The following HIVEP3 variants were observed in gnomAD, a reference collection of about 807,000 sequenced individuals.
HIVEP3 encodes HIVEP zinc finger 3, also known as transcription factor HIVEP3.
Under a neutral mutation model 152.8 loss-of-function variants are expected in HIVEP3, and 49 were observed. That is an observed-to-expected ratio of 0.32 (90% CI 0.26 to 0.41). HIVEP3 has a LOEUF of 0.41. Ranked by LOEUF, HIVEP3 falls within the 10% of genes least tolerant of loss-of-function variation. HIVEP3 has a pLI of 1.00. For missense variants in HIVEP3, 2,790 were observed against 3,103.3 expected (o/e 0.90, Z 2.40); for synonymous variants, 1,269 against 1,289.0 (o/e 0.98, Z 0.33).
intron 5 of HIVEP3, among the ~76,000 whole-genome samples, chr1:41,527,772 T>G (rs1412882494): frequency 8.6e-6 from 1 of 116,286 alleles, no homozygotes; most frequent in African/African-American, 3.4e-5. Context: ...CACTCCACAC[T>G]CCTGCACTCA....
intron 7 of HIVEP3, among the ~76,000 whole-genome samples, chr1:41,514,610 C>T (rs1260244890): frequency 1.3e-5 from 2 of 152,242 alleles, no homozygotes; most frequent in Admixed American, 1.3e-4. Context: ...GAAGTCCAGG[C>T]TGCCTCTAGC....
chr1:41,805,973 C>T (rs960475543), intron 1 of HIVEP3, among the ~76,000 whole-genome samples: 30 of 152,164 alleles, frequency 2.0e-4, no homozygotes, highest in Admixed American at 1.2e-3. Context: ...CACTCCCTCC[C>T]GTGTCTGGTA....
At chr1:42,012,798 C>G (rs1645500940) in intron 1 of HIVEP3, among the ~76,000 whole-genome samples, 2 of 152,172 alleles carry the variant, frequency 1.3e-5, no homozygotes, top group Non-Finnish European at 2.9e-5. Context: ...GGGCCCTCAC[C>G]AGAACCCAAC....
At chr1:41,631,041 C>G (rs1023104239) in intron 2 of HIVEP3, among the ~76,000 whole-genome samples, 2 of 152,220 alleles carry the variant, frequency 1.3e-5, no homozygotes, top group Non-Finnish European at 2.9e-5. Context: ...TAATAACTGA[C>G]TTGCCAGGCT....
At chr1:41,828,149 C>T (rs1642856635) in intron 1 of HIVEP3, among the ~76,000 whole-genome samples, 1 of 152,254 alleles carries the variant, frequency 6.6e-6, no homozygotes, top group Non-Finnish European at 1.5e-5. Flanking sequence ...GAAGCAGTCA[C>T]TCTGGACCCT....
intron 1 of HIVEP3, among the ~76,000 whole-genome samples, chr1:41,908,769 C>T (rs1644753256): frequency 6.6e-6 from 1 of 152,154 alleles, no homozygotes; most frequent in Non-Finnish European, 1.5e-5. Context: ...AAAAACTAAG[C>T]AAAATCTGAA....
chr1:41,545,575 CCACCACCAT>C (rs1224519105), intron 5 of HIVEP3, among the ~76,000 whole-genome samples: 10 of 137,098 alleles, frequency 7.3e-5, no homozygotes, highest in African/African-American at 8.3e-5. Context: ...ACCACCACCA[CCACCACCAT>C]CACCATCACC....
intron 5 of HIVEP3, among the ~76,000 whole-genome samples, chr1:41,545,602 C>T (rs1390724866): frequency 7.9e-5 from 11 of 138,886 alleles, no homozygotes; most frequent in Admixed American, 2.8e-4. Context: ...ACCACCACCA[C>T]CACCATCACC....
In HIVEP3 at chr1:41,714,098, T is replaced by A. The variant is rs1213050596; in HGVS notation, c.-800-13103A>T. ...GCCCGGGTTCTCAAGCCCTGATGTA[T>A]GATTTATGACTCCGATGAGCTCACC... On this transcript the variant is annotated intron_variant, in intron 1 of 8. Transcript: ENST00000372583. Among the ~76,000 whole-genome samples the A allele has an allele frequency of 3.3e-5, 5 of 152,188 alleles. No homozygotes were observed. The East Asian group carries it at 7.7e-4, about 23-fold the overall frequency.
intron 1 of HIVEP3, among the ~76,000 whole-genome samples, chr1:41,927,718 G>GA (rs958709199): frequency 1.3e-5 from 2 of 151,784 alleles, no homozygotes; most frequent in Non-Finnish European, 2.9e-5. Flanking sequence ...AAAGCAAGGA[G>GA]AAAAAAAACT....
rs116743924 is a variant in HIVEP3 at position 42,006,312 on chromosome 1, T to C, written n.119+29495A>G. The stretch of plus-strand genomic sequence containing the variant: ...CGAGAGGAACCAATGAAATAAGGTG[T>C]GGGAAAGTACCCTGCTAACTGCAAA... On this transcript the variant is annotated intron_variant and non_coding_transcript_variant, in intron 1 of 3. Coordinates refer to the HIVEP3 transcript ENST00000489103. Among the ~76,000 whole-genome samples the C allele has an allele frequency of 7.4e-3, 1,133 of 152,122 alleles. 16 individuals are homozygous for C. Among genetic ancestry groups the C allele is most frequent in the African/African-American group, 0.026 (1,095 of 41,466 alleles).
chr1:41,845,114 C>T (rs1335416377), intron 1 of HIVEP3, among the ~76,000 whole-genome samples: 1 of 152,234 alleles, frequency 6.6e-6, no homozygotes, highest in Non-Finnish European at 1.5e-5. Flanking sequence ...CCTCCCCTGA[C>T]AACTCACTTG....
chr1:41,979,035 C>A (rs1047004809), intron 1 of HIVEP3, among the ~76,000 whole-genome samples: 1 of 152,134 alleles, frequency 6.6e-6, no homozygotes, highest in African/African-American at 2.4e-5. Flanking sequence ...TCCCCAGCAC[C>A]CCTGCTTTCA....
intron 1 of HIVEP3, among the ~76,000 whole-genome samples, chr1:41,925,718 T>C (rs1351422175): frequency 2.0e-5 from 3 of 152,244 alleles, no homozygotes; most frequent in African/African-American, 7.2e-5. Context: ...TGCAATAGAA[T>C]ATTGCCCAAA....
intron 1 of HIVEP3, among the ~76,000 whole-genome samples, chr1:41,963,875 C>T (rs921265755): frequency 3.9e-5 from 6 of 152,164 alleles, no homozygotes; most frequent in Non-Finnish European, 7.4e-5. Flanking sequence ...CCCGGACATA[C>T]TCAGATTCTG....
chr1:41,512,016 T>C (rs896482227), intron 8 of HIVEP3, among the ~76,000 whole-genome samples: 1 of 152,084 alleles, frequency 6.6e-6, no homozygotes, highest in Non-Finnish European at 1.5e-5. Flanking sequence ...GACAGTGATA[T>C]TGGAGATGGT....
rs868131293 is a variant in HIVEP3 at position 41,624,213 on chromosome 1, A to G, written c.-522+4536T>C. Among the ~76,000 whole-genome samples the G allele has an allele frequency of 2.6e-5, 4 of 152,186 alleles. No homozygotes were observed. The South Asian group carries it at 8.3e-4, about 32-fold the overall frequency. On this transcript the variant is annotated intron_variant, in intron 3 of 8. Transcript: ENST00000372583. ...AACTCTCAGCATCCGTGGCCCCTCC[A>G]TTATCCTCCAGTACAAAAATGAGAA... is the stretch of plus-strand genomic sequence containing the variant.
Position 41,559,516 on chromosome 1 carries a change from C to G in HIVEP3, c.5207+16028G>C, listed in dbSNP as rs1307966349. Among the ~76,000 whole-genome samples the G allele has an allele frequency of 8.5e-5, 13 of 152,272 alleles. No homozygotes were observed. The East Asian group carries it at 2.5e-3, about 29-fold the overall frequency. On this transcript the variant is annotated intron_variant, in intron 5 of 8. Coordinates refer to ENST00000372583, the MANE Select transcript of HIVEP3 (RefSeq NM_024503.5). The stretch of plus-strand genomic sequence containing the variant: ...CCCCTCTCAACCTGCTTGGAATCCT[C>G]TGGGGCTGAATATCCCTCTGCAAGG...
intron 4 of HIVEP3, among the ~76,000 whole-genome samples, chr1:41,578,389 T>G (rs1644355920): frequency 6.6e-6 from 1 of 152,226 alleles, no homozygotes. Context: ...TGGTCAGGGA[T>G]GTCTGTAGAC....
Sources: allele counts gnomAD v4.1 joint callset (sites outside exome capture counted in the v4.1 genomes callset), GRCh38; gene constraint gnomAD v4.1.1; transcripts MANE v1.5; gene names NCBI Gene and HGNC (gene_info 2026-07-23, HGNC 2026-07-21).